TSGA10: variants seen among roughly 807,000 people sequenced by gnomAD.
TSGA10 encodes the protein testis-specific gene 10 protein.
In TSGA10, 43 loss-of-function variants were observed where a neutral mutation model predicts 96.6. The ratio of observed to expected loss-of-function variants is 0.44; its 90% CI spans 0.35 to 0.57. TSGA10 has a LOEUF of 0.57. TSGA10 is among the 20% of genes least tolerant of loss of function. TSGA10 has a pLI of 0.01. For missense variants in TSGA10, 703 were observed against 834.4 expected (o/e 0.84, Z 1.94); for synonymous variants, 229 against 269.9 (o/e 0.85, Z 1.48).
chr2:99,063,490 T>A (rs2104453503), intron 16 of TSGA10, among the ~76,000 whole-genome samples: 1 of 152,170 alleles, frequency 6.6e-6, no homozygotes, highest in South Asian at 2.1e-4. Context: ...TTATCAAGAA[T>A]ACATAGAGAA....
chr2:99,089,148 T>C (rs893776710), intron 10 of TSGA10, among the ~76,000 whole-genome samples: 1 of 152,080 alleles, frequency 6.6e-6, no homozygotes, highest in Non-Finnish European at 1.5e-5. Flanking sequence ...AAAGTGAAGG[T>C]CCAGATCACG....
At chr2:99,122,609 C>T (rs1471367701) in intron 2 of TSGA10, among the ~76,000 whole-genome samples, 1 of 131,448 alleles carries the variant, frequency 7.6e-6, no homozygotes, top group Non-Finnish European at 1.6e-5. Context: ...AAAACTCCAT[C>T]TCTACCAAAA....
In TSGA10 at chr2:99,141,173, G is replaced by A. The variant is rs1473267219; in HGVS notation, c.-621+13520C>T. ...CTGTCAGCTCTCGGCCTCAGCGGGG[G>A]ATACAAGAACCGCCCACTCTCCATC... On this transcript the variant is annotated intron_variant, in intron 1 of 20. Coordinates refer to ENST00000393483, the MANE Select transcript of TSGA10 (RefSeq NM_025244.4). 1.2e-5 allele frequency: 15 copies of A among 1,252,954 alleles called. No homozygotes were observed. In the East Asian group the frequency reaches 6.2e-4, roughly 52 times the overall value. 77.6% of individuals were successfully genotyped at this position (1,252,954 alleles called of 1,614,324 possible). A position where few individuals can be genotyped will look rare whatever the true frequency, so the allele number is the denominator to read the frequency against.
At chr2:99,093,102 G>A (rs116132243) in intron 10 of TSGA10, among the ~76,000 whole-genome samples, 2,077 of 152,064 alleles carry the variant, frequency 0.014, 36 homozygotes, top group African/African-American at 0.047. Flanking sequence ...TTTAACATAC[G>A]CAAGTCAATA....
At chr2:99,103,349 T>C (rs773068425) in intron 10 of TSGA10, among the ~76,000 whole-genome samples, 7 of 152,230 alleles carry the variant, frequency 4.6e-5, no homozygotes, top group East Asian at 1.9e-4. Context: ...GTAGAACCTC[T>C]GTTTCTCACA....
At chr2:99,041,127 T>C (rs893358922) in intron 16 of TSGA10, among the ~76,000 whole-genome samples, 1 of 152,262 alleles carries the variant, frequency 6.6e-6, no homozygotes, top group African/African-American at 2.4e-5. Context: ...GCAAATTGGG[T>C]ATCAGTTTAA....
At chr2:99,085,701 G>A (rs1558965876) in intron 10 of TSGA10, among the ~76,000 whole-genome samples, 1 of 144,094 alleles carries the variant, frequency 6.9e-6, no homozygotes, top group African/African-American at 2.6e-5. Flanking sequence ...TTATCAATAT[G>A]AAAAAAGACA....
chr2:99,022,411 G>A (rs1325162214), intron 17 of TSGA10, among the ~76,000 whole-genome samples: 2 of 146,824 alleles, frequency 1.4e-5, no homozygotes, highest in East Asian at 4.0e-4. Flanking sequence ...TCTACTATTT[G>A]CCTTATTCTG....
intron 5 of TSGA10, among the ~76,000 whole-genome samples, chr2:99,110,236 T>C (rs1198456250): frequency 1.3e-5 from 2 of 152,228 alleles, no homozygotes; most frequent in Non-Finnish European, 2.9e-5. Context: ...TATTGTTCAA[T>C]GCGTGAATAA....
At chr2:99,140,504 C>A (rs907647576) in intron 1 of TSGA10, among the ~76,000 whole-genome samples, 4 of 151,538 alleles carry the variant, frequency 2.6e-5, no homozygotes, top group South Asian at 2.1e-4. Context: ...TGAAAAAAAA[C>A]CATATTTCTG....
chr2:99,018,505 T>G, intron 19 of TSGA10, 31 bp downstream of exon 19: 5 of 1,600,566 alleles, frequency 3.1e-6, no homozygotes, highest in Non-Finnish European at 4.3e-6. Context: ...TGAAAAGCAT[T>G]GTTTTTGAGC....
At position 99,084,714 on chromosome 2, in the gene TSGA10, G is replaced by A. The variant is rs118013836; in HGVS notation, c.612-3317C>T. 2.5e-3 allele frequency among the ~76,000 whole-genome samples: 374 copies of A among 152,130 alleles called. 14 individuals are homozygous for A. In the East Asian group the frequency reaches 0.057, roughly 23 times the overall value. On this transcript the variant is annotated intron_variant, in intron 10 of 20. Transcript: ENST00000393483. ...AAGGTGAAAAACTGACAAAGCAGGT[G>A]TATATGAGGCAGAAAGTGATAGTGG...
intron 16 of TSGA10, among the ~76,000 whole-genome samples, chr2:99,040,995 G>A: frequency 6.6e-6 from 1 of 152,206 alleles, no homozygotes; most frequent in East Asian, 1.9e-4. Flanking sequence ...GCAAGTCTTA[G>A]CTCATAGCTT....
chr2:99,001,068 C>T (rs2077857627), intron 20 of TSGA10, among the ~76,000 whole-genome samples: 1 of 152,174 alleles, frequency 6.6e-6, no homozygotes, highest in Admixed American at 6.5e-5. Context: ...CAAAAGGCAG[C>T]AGAAACTTCT....
At chr2:99,098,450 AAAAAAGAAAAGAAAAGAAAAGAAAAAAG>A (rs2090323456) in intron 10 of TSGA10, among the ~76,000 whole-genome samples, 1 of 150,034 alleles carries the variant, frequency 6.7e-6, no homozygotes, top group African/African-American at 2.4e-5. Context: ...AAAAAAAAAA[AAAAAAGAAAAGAAAAGAAAAGAAAAAAG>A]AAAAAAAGGC....
At chr2:99,004,948 T>A (rs2078324655) in intron 20 of TSGA10, among the ~76,000 whole-genome samples, 1 of 152,218 alleles carries the variant, frequency 6.6e-6, no homozygotes, top group Admixed American at 6.5e-5. Context: ...TCCACCATCA[T>A]CAAGTGGGCT....
At chr2:99,073,604 A>C (rs1167964929) in intron 12 of TSGA10, among the ~76,000 whole-genome samples, 2 of 152,218 alleles carry the variant, frequency 1.3e-5, no homozygotes, top group Non-Finnish European at 2.9e-5. Context: ...TACTTATAGA[A>C]GTATACTACT....
At chr2:99,015,085 A>G (rs983065682) in intron 20 of TSGA10, among the ~76,000 whole-genome samples, 1 of 152,176 alleles carries the variant, frequency 6.6e-6, no homozygotes, top group African/African-American at 2.4e-5. Flanking sequence ...AACCAATCCT[A>G]TAGAACACTA....
intron 11 of TSGA10, 42 bp downstream of exon 11, chr2:99,081,240 C>CT: frequency 8.4e-7 from 1 of 1,189,894 alleles, no homozygotes; most frequent in African/African-American, 1.5e-5. Flanking sequence ...TGCTACCAAA[C>CT]TTAAGAAAAA....
Sources: allele counts gnomAD v4.1 joint callset (sites outside exome capture counted in the v4.1 genomes callset), GRCh38; gene constraint gnomAD v4.1.1; transcripts MANE v1.5; gene names NCBI Gene and HGNC (gene_info 2026-07-23, HGNC 2026-07-21).